The following TMEM87A variants were observed in gnomAD, a reference collection of about 807,000 sequenced individuals.
The protein encoded by TMEM87A is transmembrane protein 87A, also known as Golgi-pH regulating cation channel.
TMEM87A carries 50 observed loss-of-function variants against 90.0 expected under a neutral mutation model. That is an observed-to-expected ratio of 0.56 (90% CI 0.44 to 0.70). TMEM87A has a LOEUF of 0.70. Ranked by LOEUF, TMEM87A falls within the 30% of genes least tolerant of loss-of-function variation. TMEM87A has a pLI of 0.00. For synonymous variants in TMEM87A, 226 were observed against 226.7 expected (o/e 1.00, Z 0.03); for missense variants, 577 against 660.5 (o/e 0.87, Z 1.39).
rs373436733 is a variant in TMEM87A, at chr15:42,267,942, C to T, written c.291+5G>A. 1.5e-4 allele frequency: 244 copies of T among 1,607,596 alleles called. No homozygotes were observed. The highest frequency in any genetic ancestry group is 2.0e-4 in the Non-Finnish European group (231 of 1,176,726). On this transcript the variant is annotated splice_donor_5th_base_variant and intron_variant, in intron 3 of 19. Transcript: ENST00000389834. ...AAAAAAACTCTGTAATTTTATGTTC[C>T]TTACCTTGAAGTTATAGATTTCATT...
intron 11 of TMEM87A, chr15:42,231,966 GC>G: frequency 9.3e-7 from 1 of 1,080,992 alleles, no homozygotes; most frequent in East Asian, 6.7e-5. Context: ...GGTTAAAGTT[GC>G]TAGAAGTCTA....
chr15:42,220,849 T>C (rs1001504063), intron 15 of TMEM87A, among the ~76,000 whole-genome samples: 1 of 152,184 alleles, frequency 6.6e-6, no homozygotes, highest in Admixed American at 6.5e-5. Context: ...TGGAGTGCAG[T>C]GGCATGATCT....
intron 12 of TMEM87A, 137 bp downstream of exon 12, chr15:42,231,054 TA>T: frequency 1.5e-6 from 1 of 668,246 alleles, no homozygotes; most frequent in Non-Finnish European, 2.4e-6. Context: ...CTCAGGTTGT[TA>T]AGACTTAGCA....
intron 16 of TMEM87A, 108 bp downstream of exon 16, chr15:42,219,954 C>A: frequency 9.3e-7 from 1 of 1,080,724 alleles, no homozygotes; most frequent in South Asian, 1.7e-5. Context: ...TTAACCCTGA[C>A]TTCATCCCAC....
chr15:42,218,239 G>A, intron 18 of TMEM87A, 84 bp downstream of exon 18: 6 of 1,285,508 alleles, frequency 4.7e-6, no homozygotes, highest in Non-Finnish European at 6.6e-6. Flanking sequence ...GTATTTTCAT[G>A]AGTATAACTT....
intron 6 of TMEM87A, among the ~76,000 whole-genome samples, chr15:42,253,268 T>C (rs2051118475): frequency 1.3e-5 from 2 of 152,186 alleles, no homozygotes; most frequent in South Asian, 4.1e-4. Context: ...GTATGTCCAG[T>C]CTTGAGAATA....
chr15:42,239,805 T>G, intron 7 of TMEM87A, 74 bp from the exon 8 acceptor site: 1 of 1,259,556 alleles, frequency 7.9e-7, no homozygotes, highest in Non-Finnish European at 1.2e-6. Flanking sequence ...AATATTTGTT[T>G]AATGAACTTA....
At chr15:42,224,779 A>G (rs770558119) in intron 15 of TMEM87A, among the ~76,000 whole-genome samples, 1 of 152,226 alleles carries the variant, frequency 6.6e-6, no homozygotes, top group African/African-American at 2.4e-5. Context: ...GAATCTCCAC[A>G]ATGTACTGTC....
At chr15:42,217,377 T>G (rs1365554661) in intron 19 of TMEM87A, among the ~76,000 whole-genome samples, 1 of 152,256 alleles carries the variant, frequency 6.6e-6, no homozygotes, top group Non-Finnish European at 1.5e-5. Context: ...AAGAAGGTAG[T>G]GACAAAAATA....
intron 6 of TMEM87A, among the ~76,000 whole-genome samples, chr15:42,252,138 C>A (rs186160998): frequency 6.6e-6 from 1 of 152,186 alleles, no homozygotes; most frequent in African/African-American, 2.4e-5. Context: ...CCCAGTTTTC[C>A]CAGTACAGTC....
Position 42,243,986 on chromosome 15 carries a change from T to C in TMEM87A, c.622+64A>G, listed in dbSNP as rs1167220561. ...CTGTAATACCTAATAAAAAAGCATA[T>C]GTAAAGTACATGAATGACATAACCA... On this transcript the variant is annotated intron_variant, in intron 7 of 19. Coordinates refer to ENST00000389834, the MANE Select transcript of TMEM87A (RefSeq NM_015497.5). The C allele has an allele frequency of 7.2e-6, 7 of 965,524 alleles. No homozygotes were observed. The Admixed American group carries it at 1.7e-4, about 24-fold the overall frequency. The allele number at this position is 965,524 out of a possible 1,614,324, so 59.8% of individuals were successfully genotyped here.
intron 11 of TMEM87A, chr15:42,231,870 C>A: frequency 7.8e-7 from 1 of 1,277,692 alleles, no homozygotes; most frequent in Non-Finnish European, 1.0e-6. Context: ...GCGTCAATTG[C>A]TGAGAGGGCC....
In TMEM87A at chr15:42,260,888, A is replaced by G. The variant is rs957185150; in HGVS notation, c.504+70T>C. ...AATATTAGCATAGTATGGGAGAACA[A>G]TTCAGAAATACACAAATTTAAGAAA... On this transcript the variant is annotated intron_variant, in intron 6 of 19. Coordinates refer to ENST00000389834, the MANE Select transcript of TMEM87A (RefSeq NM_015497.5). The G allele has an allele frequency of 2.6e-6, 4 of 1,514,428 alleles. No homozygotes were observed. The African/African-American group carries it at 5.6e-5, about 21-fold the overall frequency. The allele number at this position is 1,514,428 out of a possible 1,614,324, so 93.8% of individuals were successfully genotyped here.
At chr15:42,221,902 T>C (rs2050493451) in intron 15 of TMEM87A, among the ~76,000 whole-genome samples, 2 of 151,434 alleles carry the variant, frequency 1.3e-5, no homozygotes, top group South Asian at 2.1e-4. Context: ...AGGCATGCAC[T>C]ACCATGCCCA....
At chr15:42,260,883 G>A (rs1003777558) in intron 6 of TMEM87A, 75 bp downstream of exon 6, 48 of 1,479,388 alleles carry the variant, frequency 3.2e-5, no homozygotes, top group Non-Finnish European at 4.3e-5. Flanking sequence ...TAGTATGGGA[G>A]AACAATTCAG....
chr15:42,233,346 C>T (rs1269055539), intron 10 of TMEM87A, 40 bp from the exon 11 acceptor site: 2 of 1,502,686 alleles, frequency 1.3e-6, no homozygotes, highest in East Asian at 2.3e-5. Flanking sequence ...ACATATGGGA[C>T]AAATGCCGAA....
chr15:42,218,426 C>T, intron 17 of TMEM87A, 48 bp from the exon 18 acceptor site: 2 of 1,574,234 alleles, frequency 1.3e-6, no homozygotes, highest in Non-Finnish European at 1.7e-6. Context: ...CCACATAATA[C>T]ATCTCAAGTA....
In TMEM87A at chr15:42,218,070, C is replaced by T. The variant is rs1464164253; in HGVS notation, c.1596-237G>A. On this transcript the variant is annotated intron_variant, in intron 18 of 19. Coordinates refer to ENST00000389834, the MANE Select transcript of TMEM87A (RefSeq NM_015497.5). ...ACCAATGTTTCATTAAAATTATAGC[C>T]CTGGAAAGGAACTAAAAATTTCAAA... is the stretch of plus-strand genomic sequence containing the variant. 9.8e-6 allele frequency: 6 copies of T among 615,198 alleles called. 1 individual carries two copies. The South Asian group carries it at 1.4e-4, about 14-fold the overall frequency. The allele number at this position is 615,198 out of a possible 1,614,324, so 38.1% of individuals were successfully genotyped here.
intron 17 of TMEM87A, among the ~76,000 whole-genome samples, chr15:42,219,188 G>A (rs1199213203): frequency 6.6e-6 from 1 of 152,088 alleles, no homozygotes; most frequent in Non-Finnish European, 1.5e-5. Flanking sequence ...TCATATACTT[G>A]TTGGCCATTT....
Sources: gnomAD v4.1 joint callset for allele counts (sites outside exome capture counted in the v4.1 genomes callset) on GRCh38, gnomAD v4.1.1 for gene constraint, MANE v1.5 for transcripts, NCBI Gene and HGNC (gene_info 2026-07-23, HGNC 2026-07-21) for gene names.